CDK8: variants seen among roughly 807,000 people sequenced by gnomAD.
CDK8 encodes cyclin-dependent kinase 8.
A neutral mutation model predicts 71.5 loss-of-function variants in CDK8; 29 were observed. The ratio of observed to expected loss-of-function variants is 0.41; its 90% CI spans 0.30 to 0.55. The LOEUF (loss-of-function observed/expected upper bound fraction) is 0.55. CDK8 is among the 20% of genes least tolerant of loss of function. CDK8 has a pLI of 0.37. For synonymous variants in CDK8, 161 were observed against 192.1 expected (o/e 0.84, Z 1.34); for missense variants, 288 against 572.6 (o/e 0.50, Z 5.07).
At chr13:26,368,263 C>T (rs1874485227) in intron 4 of CDK8, among the ~76,000 whole-genome samples, 1 of 152,136 alleles carries the variant, frequency 6.6e-6, no homozygotes. Context: ...GCAGAAACTC[C>T]CCAGTGATCT....
At chr13:26,389,125 G>T (rs1172458423) in intron 6 of CDK8, among the ~76,000 whole-genome samples, 1 of 152,150 alleles carries the variant, frequency 6.6e-6, no homozygotes, top group Non-Finnish European at 1.5e-5. Context: ...TTTAGCCTGA[G>T]TCGTCTCTTT....
intron 4 of CDK8, among the ~76,000 whole-genome samples, chr13:26,378,850 G>A (rs1875079861): frequency 6.6e-6 from 1 of 152,164 alleles, no homozygotes; most frequent in Non-Finnish European, 1.5e-5. Flanking sequence ...AGGAAGAAAA[G>A]GAAAGAAGTA....
intron 1 of CDK8, among the ~76,000 whole-genome samples, chr13:26,335,170 G>A (rs1484609377): frequency 6.6e-6 from 1 of 152,012 alleles, no homozygotes; most frequent in Non-Finnish European, 1.5e-5. Context: ...TCAAAGAATT[G>A]CTTACATATG....
At chr13:26,269,105 C>T (rs9581605) in intron 1 of CDK8, among the ~76,000 whole-genome samples, 16,490 of 152,222 alleles carry the variant, frequency 0.11, 2,646 homozygotes, top group African/African-American at 0.35. Context: ...AGTAGAATTG[C>T]TTGACTTCAT....
At chr13:26,324,114 A>G (rs1470418791) in intron 1 of CDK8, among the ~76,000 whole-genome samples, 1 of 152,206 alleles carries the variant, frequency 6.6e-6, no homozygotes, top group Non-Finnish European at 1.5e-5. Context: ...AATAATTGAT[A>G]CAGAGTGCAA....
intron 1 of CDK8, among the ~76,000 whole-genome samples, chr13:26,262,149 C>CGTATCTTAACAT (rs1566461472): frequency 1.3e-5 from 2 of 152,222 alleles, no homozygotes; most frequent in African/African-American, 4.8e-5. Flanking sequence ...ATCCTAACTA[C>CGTATCTTAACAT]GTATCTTAAC....
chr13:26,330,806 T>C (rs1875280123), intron 1 of CDK8, among the ~76,000 whole-genome samples: 1 of 152,242 alleles, frequency 6.6e-6, no homozygotes, highest in African/African-American at 2.4e-5. Flanking sequence ...TATTCTATAG[T>C]GTATATATAC....
intron 1 of CDK8, among the ~76,000 whole-genome samples, chr13:26,269,312 T>A (rs1344268785): frequency 6.6e-6 from 1 of 152,242 alleles, no homozygotes; most frequent in African/African-American, 2.4e-5. Context: ...TATATTTTTA[T>A]CTTTTTATCT....
intron 1 of CDK8, among the ~76,000 whole-genome samples, chr13:26,321,231 G>A (rs1003939151): frequency 7.2e-5 from 11 of 152,240 alleles, no homozygotes; most frequent in Non-Finnish European, 1.3e-4. Context: ...TCTGACATAC[G>A]ATACAACCTG....
intron 4 of CDK8, among the ~76,000 whole-genome samples, chr13:26,367,721 A>G (rs1874457393): frequency 6.6e-6 from 1 of 152,182 alleles, no homozygotes; most frequent in African/African-American, 2.4e-5. Context: ...CACGGTGCAT[A>G]TTGGATGCCT....
intron 4 of CDK8, among the ~76,000 whole-genome samples, chr13:26,368,131 CT>C (rs1385453872): frequency 6.6e-6 from 1 of 152,152 alleles, no homozygotes; most frequent in East Asian, 1.9e-4. Flanking sequence ...TCTGTTTACC[CT>C]ACCCCTAGCT....
At position 26,365,405 on chromosome 13, in the gene CDK8, T is replaced by C. The variant is rs564944075; in HGVS notation, c.456+11525T>C. Reference sequence around the variant, plus strand: ...GCATGCACAATGTACTGTTTTATTATTTATCAATAAAAAAGTGGCCCACTT... The same window carrying C: ...GCATGCACAATGTACTGTTTTATTACTTATCAATAAAAAAGTGGCCCACTT... On this transcript the variant is annotated intron_variant, in intron 4 of 12. Transcript: ENST00000381527. Among the ~76,000 whole-genome samples, 134 of 152,260 alleles carry C rather than the reference T, an allele frequency of 8.8e-4. 1 individual carries two copies. The highest frequency in any genetic ancestry group is 3.1e-3 in the African/African-American group (129 of 41,564).
At chr13:26,311,757 A>G (rs544454984) in intron 1 of CDK8, among the ~76,000 whole-genome samples, 18 of 43,282 alleles carry the variant, frequency 4.2e-4, no homozygotes, top group African/African-American at 6.8e-4. Flanking sequence ...CTTCCCCAGT[A>G]GTCTTTATCT....
At chr13:26,337,135 T>A (rs1013229367) in intron 1 of CDK8, among the ~76,000 whole-genome samples, 1 of 152,226 alleles carries the variant, frequency 6.6e-6, no homozygotes, top group Non-Finnish European at 1.5e-5. Context: ...TTATGATTAC[T>A]ATAACATGTT....
chr13:26,297,898 T>G (rs9581627), intron 1 of CDK8, among the ~76,000 whole-genome samples: 16,469 of 152,104 alleles, frequency 0.11, 2,644 homozygotes, highest in African/African-American at 0.35. Context: ...TCTGGTGAGA[T>G]TCTCCCTCAG....
intron 1 of CDK8, among the ~76,000 whole-genome samples, chr13:26,336,694 C>T (rs1477479075): frequency 6.6e-6 from 1 of 151,932 alleles, no homozygotes; most frequent in Non-Finnish European, 1.5e-5. Flanking sequence ...GCTGGGACTA[C>T]AGGCGCCCGC....
At chr13:26,341,845 T>G (rs1407395375) in intron 2 of CDK8, among the ~76,000 whole-genome samples, 1 of 151,682 alleles carries the variant, frequency 6.6e-6, no homozygotes, top group Non-Finnish European at 1.5e-5. Context: ...AAGATTTTTT[T>G]TTTTCTTTTA....
At chr13:26,393,340 C>CTTTTTT in intron 6 of CDK8, 27 bp from the exon 7 acceptor site, 1 of 1,114,682 alleles carries the variant, frequency 9.0e-7, no homozygotes. Context: ...ATTTTTCTTT[C>CTTTTTT]TTTTTTTTTT....
rs1401494613 is a variant in CDK8, at chr13:26,381,619, ACT to A, written c.457-1192_457-1191del. 2.6e-5 allele frequency among the ~76,000 whole-genome samples: 4 copies of A among 152,100 alleles called. No homozygotes were observed. The East Asian group carries it at 7.7e-4, about 29-fold the overall frequency. On this transcript the variant is annotated intron_variant, in intron 4 of 12. Transcript: ENST00000381527. ...CCCAGACTATTCAAAGACAGGGTAG[ACT>A]CTGCTGCTACCCAGTCTTGCTGATT...
Sources: allele counts gnomAD v4.1 joint callset (sites outside exome capture counted in the v4.1 genomes callset), GRCh38; gene constraint gnomAD v4.1.1; transcripts MANE v1.5; gene names NCBI Gene and HGNC (gene_info 2026-07-23, HGNC 2026-07-21).